RABGAP1L: variants seen among roughly 807,000 people sequenced by gnomAD.
The protein encoded by RABGAP1L is rab GTPase-activating protein 1-like.
RABGAP1L carries 63 observed loss-of-function variants against 137.7 expected under a neutral mutation model. The observed-to-expected ratio is 0.46, with a 90% confidence interval of 0.37 to 0.56. The LOEUF (loss-of-function observed/expected upper bound fraction) is 0.56, where lower values mean the gene tolerates loss of function less well. Among genes scored for constraint, RABGAP1L ranks in the 20% least tolerant of loss-of-function variants. RABGAP1L has a pLI of 0.00. For missense variants in RABGAP1L, 1,095 were observed against 1,244.0 expected, an observed-to-expected ratio of 0.88 and a Z score of 1.80; for synonymous variants, 431 against 433.7, an observed-to-expected ratio of 0.99 and a Z score of 0.08.
At chr1:174,546,131 C>T (rs564487088) in intron 13 of RABGAP1L, among the ~76,000 whole-genome samples, 4 of 152,072 alleles carry the variant, frequency 2.6e-5, no homozygotes, top group South Asian at 2.1e-4. Context: ...GTAGCTCTTC[C>T]GAGTATTAGG....
chr1:174,429,300 A>G (rs1392009934), intron 13 of RABGAP1L, among the ~76,000 whole-genome samples: 1 of 152,194 alleles, frequency 6.6e-6, no homozygotes, highest in Non-Finnish European at 1.5e-5. Context: ...TTTTGAAGGC[A>G]TTATATTTCT....
chr1:174,426,980 A>T (rs890411238), intron 13 of RABGAP1L, among the ~76,000 whole-genome samples: 3 of 152,102 alleles, frequency 2.0e-5, no homozygotes, highest in Non-Finnish European at 4.4e-5. Flanking sequence ...AGCCACACTT[A>T]TCAAAGCTTT....
chr1:174,226,542 C>T (rs146870004), intron 3 of RABGAP1L, among the ~76,000 whole-genome samples: 1 of 152,228 alleles, frequency 6.6e-6, no homozygotes, highest in Admixed American at 6.5e-5. Flanking sequence ...TGGTCCAGTT[C>T]AATAATCTTG....
chr1:174,354,047 C>T (rs1278765611), intron 11 of RABGAP1L, among the ~76,000 whole-genome samples: 1 of 152,080 alleles, frequency 6.6e-6, no homozygotes, highest in Non-Finnish European at 1.5e-5. Flanking sequence ...GTATTGTGGG[C>T]ATTTCTCTTT....
intron 18 of RABGAP1L, among the ~76,000 whole-genome samples, chr1:174,809,674 A>T (rs1347993999): frequency 2.0e-5 from 3 of 152,218 alleles, no homozygotes. Flanking sequence ...GAAAGGGTTA[A>T]TCCTGTTTCT....
chr1:174,664,549 A>C (rs1473983844), intron 14 of RABGAP1L, among the ~76,000 whole-genome samples: 1 of 152,126 alleles, frequency 6.6e-6, no homozygotes, highest in African/African-American at 2.4e-5. Context: ...ATAATGTATT[A>C]TTTGAAAAAG....
At chr1:174,333,684 C>G (rs1681231233) in intron 11 of RABGAP1L, among the ~76,000 whole-genome samples, 1 of 152,192 alleles carries the variant, frequency 6.6e-6, no homozygotes. Context: ...GCTGCTCCCA[C>G]TACGCCCATT....
At chr1:174,434,662 G>A (rs1653049351) in intron 13 of RABGAP1L, among the ~76,000 whole-genome samples, 1 of 152,144 alleles carries the variant, frequency 6.6e-6, no homozygotes, top group African/African-American at 2.4e-5. Flanking sequence ...AGCCATTCTA[G>A]TGGGTATATA....
chr1:174,946,909 A>G (rs1666866251), intron 19 of RABGAP1L, among the ~76,000 whole-genome samples: 1 of 53,968 alleles, frequency 1.9e-5, no homozygotes, highest in Non-Finnish European at 3.5e-5. Context: ...TCAAAAAAAA[A>G]AAAAAAAAAT....
Position 174,550,945 on chromosome 1 carries a change from C to T in RABGAP1L, c.1711-86430C>T, listed in dbSNP as rs35342251. Among the ~76,000 whole-genome samples, 83 of 70,440 alleles carry T rather than the reference C, an allele frequency of 1.2e-3. 2 individuals are homozygous for T. The highest frequency in any genetic ancestry group is 6.9e-3 in the Middle Eastern group (1 of 144). 46.2% of individuals were successfully genotyped at this position (70,440 alleles called of 152,430 possible). Reference sequence around the variant, plus strand: ...ACATATATATATACACATATATATACACACATATATATACACATATATATA... The same window carrying T: ...ACATATATATATACACATATATATATACACATATATATACACATATATATA... On this transcript the variant is annotated intron_variant, in intron 13 of 25. Coordinates refer to ENST00000681986, the MANE Select transcript of RABGAP1L (RefSeq NM_001366446.1).
At chr1:174,629,608 C>T (rs1049680257) in intron 13 of RABGAP1L, among the ~76,000 whole-genome samples, 1 of 152,126 alleles carries the variant, frequency 6.6e-6, no homozygotes, top group Non-Finnish European at 1.5e-5. Context: ...CTGCAACCTC[C>T]ACTTCCCAGG....
At chr1:174,203,197 T>C (rs1286537057) in intron 1 of RABGAP1L, among the ~76,000 whole-genome samples, 1 of 152,140 alleles carries the variant, frequency 6.6e-6, no homozygotes, top group African/African-American at 2.4e-5. Flanking sequence ...TGTAAGGAAA[T>C]GGTCCACCTT....
chr1:174,790,220 A>G (rs1687745629), intron 18 of RABGAP1L, among the ~76,000 whole-genome samples: 2 of 152,238 alleles, frequency 1.3e-5, no homozygotes, highest in Middle Eastern at 3.4e-3. Flanking sequence ...AAAAAAAAAA[A>G]AGAGAATACG....
chr1:174,170,754 C>A lies in RABGAP1L; in HGVS notation c.-34+11097C>A, dbSNP rs1164269629. On this transcript the variant is annotated intron_variant, in intron 1 of 25. Transcript: ENST00000681986. ...TCTAAATCTGTCTCACAGTGACTCT[C>A]TACTACTACTCTGTATTGACAATCT... Among the ~76,000 whole-genome samples the A allele has an allele frequency of 2.0e-5, 3 of 151,120 alleles. No individual in the cohort carries two copies. In the East Asian group the frequency reaches 5.8e-4, roughly 29 times the overall value.
chr1:174,597,820 T>A (rs775696527), intron 13 of RABGAP1L, among the ~76,000 whole-genome samples: 13 of 152,226 alleles, frequency 8.5e-5, no homozygotes, highest in Admixed American at 8.5e-4. Flanking sequence ...TTGCTTTCAC[T>A]GTATTCCAGA....
intron 13 of RABGAP1L, among the ~76,000 whole-genome samples, chr1:174,575,292 G>A (rs1054578803): frequency 6.6e-6 from 1 of 151,982 alleles, no homozygotes; most frequent in African/African-American, 2.4e-5. Context: ...TAATATATTT[G>A]GTAAAAAACA....
At chr1:174,194,274 G>C (rs975166561) in intron 1 of RABGAP1L, among the ~76,000 whole-genome samples, 1 of 145,350 alleles carries the variant, frequency 6.9e-6, no homozygotes, top group Non-Finnish European at 1.5e-5. Context: ...TTGCCCTGTC[G>C]CCCAGGCTGG....
At chr1:174,808,667 T>C (rs1689574337) in intron 18 of RABGAP1L, among the ~76,000 whole-genome samples, 1 of 151,948 alleles carries the variant, frequency 6.6e-6, no homozygotes, top group Non-Finnish European at 1.5e-5. Flanking sequence ...TCTTTTTTTT[T>C]TTTGAGACAG....
chr1:174,877,110 A>G (rs1653249908), intron 19 of RABGAP1L, among the ~76,000 whole-genome samples: 1 of 150,876 alleles, frequency 6.6e-6, no homozygotes, highest in East Asian at 2.0e-4. Flanking sequence ...AGAACATAAC[A>G]CAAATCAGTT....
Sources: gnomAD v4.1 joint callset for allele counts (sites outside exome capture counted in the v4.1 genomes callset) on GRCh38, gnomAD v4.1.1 for gene constraint, MANE v1.5 for transcripts, NCBI Gene and HGNC (gene_info 2026-07-23, HGNC 2026-07-21) for gene names.